The following CDKL1 variants were observed in gnomAD, a reference collection of about 807,000 sequenced individuals.
CDKL1 encodes cyclin dependent kinase like 1, also known as cyclin-dependent kinase-like 1.
A neutral mutation model predicts 42.0 loss-of-function variants in CDKL1; 41 were observed. The observed-to-expected ratio is 0.98, with a 90% CI of 0.76 to 1.27. The LOEUF is 1.27. CDKL1 is among the 50% of genes most tolerant of loss of function. The probability of loss-of-function intolerance (pLI) is 0.00; values close to 1 mark genes in which losing one functional copy is unlikely to be tolerated. For missense variants in CDKL1, 394 were observed against 428.4 expected (o/e 0.92, Z 0.71); for synonymous variants, 153 against 158.6 (o/e 0.96, Z 0.26).
chr14:50,363,423 TTGAC>T (rs1305808565), intron 2 of CDKL1: 1 of 152,524 alleles, frequency 6.6e-6, no homozygotes, highest in Non-Finnish European at 1.5e-5. Context: ...CTGAATTGGA[TTGAC>T]TAAGATGTCT....
At chr14:50,392,378 G>GGA (rs1420765526) in intron 2 of CDKL1, among the ~76,000 whole-genome samples, 1 of 151,728 alleles carries the variant, frequency 6.6e-6, no homozygotes, top group African/African-American at 2.4e-5. Context: ...CCTGGGAGGC[G>GGA]GAGGTTGCAG....
chr14:50,376,174 T>C (rs541139319), intron 2 of CDKL1, among the ~76,000 whole-genome samples: 1 of 152,338 alleles, frequency 6.6e-6, no homozygotes, highest in Non-Finnish European at 1.5e-5. Flanking sequence ...TCAGCATTGG[T>C]TCATTGATTA....
intron 2 of CDKL1, chr14:50,363,149 G>T (rs2139464406): frequency 4.2e-6 from 1 of 238,786 alleles, no homozygotes; most frequent in Non-Finnish European, 9.1e-6. Context: ...CCAGAAGGAA[G>T]AAACTCAACA....
At chr14:50,335,092 A>C (rs61981881) in intron 7 of CDKL1, among the ~76,000 whole-genome samples, 14,649 of 149,884 alleles carry the variant, frequency 0.098, 860 homozygotes, top group Middle Eastern at 0.13. Context: ...ATTTGAGACC[A>C]GCCTGGGCAA....
intron 2 of CDKL1, chr14:50,390,196 C>T (rs781522850): frequency 3.7e-6 from 5 of 1,365,694 alleles, no homozygotes; most frequent in South Asian, 1.1e-5. Flanking sequence ...TGGAGGGAGA[C>T]ATGTCATAGA....
At chr14:50,337,211 G>C (rs1008162277) in intron 7 of CDKL1, among the ~76,000 whole-genome samples, 9 of 151,648 alleles carry the variant, frequency 5.9e-5, no homozygotes, top group African/African-American at 1.9e-4. Flanking sequence ...GTTTCATCAT[G>C]TTGCCTAGGC....
In CDKL1 at chr14:50,332,766, C is replaced by G. The variant is rs946919043; in HGVS notation, c.796-334G>C. Reference sequence around the variant, plus strand: ...GGTAATCCATTTAGCCAGTTTGGTCCCTTGCATGTACTTTGTAAAAACTAG... The same window carrying G: ...GGTAATCCATTTAGCCAGTTTGGTCGCTTGCATGTACTTTGTAAAAACTAG... On this transcript the variant is annotated intron_variant, in intron 8 of 9. Coordinates refer to ENST00000395834, the MANE Select transcript of CDKL1 (RefSeq NM_004196.7). 1.3e-5 allele frequency: 14 copies of G among 1,042,968 alleles called. No individual in the cohort carries two copies. The African/African-American group carries it at 1.9e-4, about 14-fold the overall frequency. 64.6% of individuals were successfully genotyped at this position (1,042,968 alleles called of 1,614,324 possible).
chr14:50,326,307 A>G lies in CDKL1; in HGVS notation c.*3767T>C, dbSNP rs116425757. On this transcript the variant is annotated 3_prime_UTR_variant, in exon 10 of 10. Coordinates refer to ENST00000395834, the MANE Select transcript of CDKL1 (RefSeq NM_004196.7). ...TCATTTAATATGTAAATCTATAGAT[A>G]TCTCTTGATGTAGATATTTAGAATC... is the stretch of plus-strand genomic sequence containing the variant. 2,975 of 517,690 alleles carry G rather than the reference A, an allele frequency of 5.7e-3. 76 individuals carry two copies. Among genetic ancestry groups the G allele is most frequent in the African/African-American group, 0.057 (2,733 of 48,252 alleles). The allele number at this position is 517,690 out of a possible 1,614,324, so 32.1% of individuals were successfully genotyped here. A position where few individuals can be genotyped will look rare whatever the true frequency, so the allele number is the denominator to read the frequency against.
At chr14:50,369,878 C>CA (rs752081778) in intron 2 of CDKL1, among the ~76,000 whole-genome samples, 65 of 152,104 alleles carry the variant, frequency 4.3e-4, no homozygotes, top group Non-Finnish European at 3.5e-4. Context: ...CCCAGCCTCC[C>CA]AAAGTGCTGG....
chr14:50,335,790 C>G lies in CDKL1; in HGVS notation c.739-1169G>C, dbSNP rs1018019160. 3 of 985,202 alleles carry G rather than the reference C, an allele frequency of 3.0e-6. No individual in the cohort carries two copies. In the African/African-American group the frequency reaches 5.2e-5, roughly 17 times the overall value. 61.0% of individuals were successfully genotyped at this position (985,202 alleles called of 1,614,324 possible). A position where few individuals can be genotyped will look rare whatever the true frequency, so the allele number is the denominator to read the frequency against. On this transcript the variant is annotated intron_variant, in intron 7 of 9. Coordinates refer to ENST00000395834, the MANE Select transcript of CDKL1 (RefSeq NM_004196.7). Reference sequence around the variant, plus strand: ...CAAACAGTCCTGGTGCTGTGGCCAGCTTTCACAGTACAGTATTATTTTGGA... The same window carrying G: ...CAAACAGTCCTGGTGCTGTGGCCAGGTTTCACAGTACAGTATTATTTTGGA...
chr14:50,366,031 G>A (rs1045010207), intron 2 of CDKL1, among the ~76,000 whole-genome samples: 1 of 152,162 alleles, frequency 6.6e-6, no homozygotes, highest in African/African-American at 2.4e-5. Flanking sequence ...GCTTGCAGAC[G>A]GCCTGTTGTG....
intron 3 of CDKL1, among the ~76,000 whole-genome samples, chr14:50,347,385 AG>A (rs1173591693): frequency 6.6e-6 from 1 of 152,174 alleles, no homozygotes; most frequent in Non-Finnish European, 1.5e-5. Flanking sequence ...CTGTGCTAGA[AG>A]GGGTTGATCA....
chr14:50,339,586 A>G (rs962832322), intron 6 of CDKL1, among the ~76,000 whole-genome samples: 1 of 152,130 alleles, frequency 6.6e-6, no homozygotes. Context: ...CGGATTTTCT[A>G]GCTAGAAGGA....
chr14:50,395,165 C>T (rs562786255), intron 2 of CDKL1, among the ~76,000 whole-genome samples: 1 of 152,168 alleles, frequency 6.6e-6, no homozygotes, highest in Admixed American at 6.5e-5. Context: ...ATAGGAAATA[C>T]CTTAGAAGTT....
chr14:50,333,274 A>G (rs1026300520), intron 8 of CDKL1: 3 of 152,190 alleles, frequency 2.0e-5, no homozygotes, highest in African/African-American at 7.2e-5. Context: ...TATAGGTCAC[A>G]ATGACCTGAT....
intron 7 of CDKL1, among the ~76,000 whole-genome samples, chr14:50,337,969 A>G (rs909959325): frequency 5.3e-5 from 8 of 151,866 alleles, no homozygotes; most frequent in Admixed American, 3.3e-4. Flanking sequence ...ACCTGGCCTG[A>G]TGAGGTATTT....
In CDKL1 at chr14:50,328,313, G is replaced by C. The variant is rs1268668873; in HGVS notation, c.*1761C>G. On this transcript the variant is annotated 3_prime_UTR_variant, in exon 10 of 10. Coordinates refer to ENST00000395834, the MANE Select transcript of CDKL1 (RefSeq NM_004196.7). ...TCTAACAGGAATTGAATAATTCAGG[G>C]ACTAGCATTTAACCCATATCAGGTC... The C allele has an allele frequency of 6.6e-6, 1 of 152,120 alleles. No homozygotes were observed. Among genetic ancestry groups the C allele is most frequent in the Non-Finnish European group, 1.5e-5 (1 of 68,018 alleles). The allele number at this position is 152,120 out of a possible 1,614,324, so 9.4% of individuals were successfully genotyped here. A position where few individuals can be genotyped will look rare whatever the true frequency, so the allele number is the denominator to read the frequency against.
chr14:50,367,379 T>C (rs1157234674), intron 2 of CDKL1, among the ~76,000 whole-genome samples: 1 of 152,170 alleles, frequency 6.6e-6, no homozygotes, highest in Non-Finnish European at 1.5e-5. Flanking sequence ...TCTCTCTCTA[T>C]TGACTCCACT....
chr14:50,378,214 C>T, intron 2 of CDKL1: 1 of 1,366,414 alleles, frequency 7.3e-7, no homozygotes, highest in East Asian at 4.5e-5. Context: ...ATGCAGGTGC[C>T]TCCTTAGGAG....
Sources: allele counts gnomAD v4.1 joint callset (sites outside exome capture counted in the v4.1 genomes callset), GRCh38; gene constraint gnomAD v4.1.1; transcripts MANE v1.5; gene names NCBI Gene and HGNC (gene_info 2026-07-23, HGNC 2026-07-21).